PLCB1: variants seen among roughly 807,000 people sequenced by gnomAD.
PLCB1 encodes 1-phosphatidylinositol 4,5-bisphosphate phosphodiesterase beta-1.
In PLCB1, 46 loss-of-function variants were observed where a neutral mutation model predicts 161.8. The ratio of observed to expected loss-of-function variants is 0.28; its 90% CI spans 0.22 to 0.36. The LOEUF (loss-of-function observed/expected upper bound fraction) is 0.36, where lower values mean the gene tolerates loss of function less well. PLCB1 is among the 10% of genes least tolerant of loss of function. The pLI, the probability that PLCB1 is intolerant of heterozygous loss-of-function variation, is 1.00. For synonymous variants in PLCB1, 517 were observed against 503.7 expected, an observed-to-expected ratio of 1.03 and a Z score of -0.35; for missense variants, 1,016 against 1,472.5, an observed-to-expected ratio of 0.69 and a Z score of 5.07.
rs140439943 is a variant in PLCB1 at position 8,201,925 on chromosome 20, T to A, written c.177+51554T>A. ...AGAAGTATAGAGTTATTGCCTGTGT[T>A]GGGTTTTGTAGATCCTTCTTGATTC... On this transcript the variant is annotated intron_variant, in intron 2 of 31. Coordinates refer to ENST00000338037, the MANE Select transcript of PLCB1 (RefSeq NM_015192.4). 1.0e-3 allele frequency among the ~76,000 whole-genome samples: 154 copies of A among 152,312 alleles called. 1 individual carries two copies. Among genetic ancestry groups the A allele is most frequent in the African/African-American group, 3.5e-3 (147 of 41,576 alleles).
intron 2 of PLCB1, among the ~76,000 whole-genome samples, chr20:8,339,739 T>C (rs1228383601): frequency 1.3e-5 from 2 of 152,124 alleles, no homozygotes; most frequent in Non-Finnish European, 2.9e-5. Flanking sequence ...TACATAACTT[T>C]GGGCCAGTTA....
intron 2 of PLCB1, among the ~76,000 whole-genome samples, chr20:8,340,500 G>A (rs1057319448): frequency 2.0e-5 from 3 of 152,024 alleles, no homozygotes; most frequent in South Asian, 2.1e-4. Flanking sequence ...TCGGCTCACT[G>A]CAAGCTCCGC....
intron 3 of PLCB1, among the ~76,000 whole-genome samples, chr20:8,484,562 G>T (rs1005626658): frequency 6.6e-6 from 1 of 151,010 alleles, no homozygotes; most frequent in Non-Finnish European, 1.5e-5. Flanking sequence ...GGGTTTCACC[G>T]TGTTGGTCAG....
At chr20:8,846,446 A>G (rs1986695401) in intron 31 of PLCB1, among the ~76,000 whole-genome samples, 1 of 152,082 alleles carries the variant, frequency 6.6e-6, no homozygotes, top group Admixed American at 6.5e-5. Context: ...GGATCCTCAA[A>G]CTTTAATATG....
intron 3 of PLCB1, among the ~76,000 whole-genome samples, chr20:8,417,969 G>A (rs566221820): frequency 1.3e-5 from 2 of 152,342 alleles, no homozygotes; most frequent in African/African-American, 4.8e-5. Context: ...CAGGGCAGCT[G>A]TCTGCAGTCC....
chr20:8,415,999 A>T (rs73897475), intron 3 of PLCB1, among the ~76,000 whole-genome samples: 3,032 of 152,182 alleles, frequency 0.02, 112 homozygotes, highest in African/African-American at 0.07. Context: ...AGCTTTCCTC[A>T]TCAATGTTTA....
intron 2 of PLCB1, among the ~76,000 whole-genome samples, chr20:8,344,623 A>G (rs1463227946): frequency 7.1e-6 from 1 of 141,824 alleles, no homozygotes; most frequent in Non-Finnish European, 1.6e-5. Flanking sequence ...CGATTCCCTG[A>G]AAAAGTCACG....
At chr20:8,686,955 AT>A (rs199713164) in intron 10 of PLCB1, among the ~76,000 whole-genome samples, 7 of 151,424 alleles carry the variant, frequency 4.6e-5, no homozygotes, top group East Asian at 3.9e-4. Context: ...AGAAAAGATA[AT>A]TTTTTTTTGT....
chr20:8,344,930 A>T lies in PLCB1; in HGVS notation c.178-26452A>T, dbSNP rs138269776. Among the ~76,000 whole-genome samples, 329 of 152,356 alleles carry T rather than the reference A, an allele frequency of 2.2e-3. 1 individual carries two copies. The highest frequency in any genetic ancestry group is 7.5e-3 in the African/African-American group (311 of 41,588). On this transcript the variant is annotated intron_variant, in intron 2 of 31. Transcript: ENST00000338037. The stretch of plus-strand genomic sequence containing the variant: ...TGAGCACAATAGATGCAAATTTGGC[A>T]CGCTGAAAGGAATTTTTGCCCCTTA...
chr20:8,335,112 T>C (rs1483246103), intron 2 of PLCB1, among the ~76,000 whole-genome samples: 1 of 152,238 alleles, frequency 6.6e-6, no homozygotes, highest in African/African-American at 2.4e-5. Flanking sequence ...TCCAATGCTA[T>C]AATAAATGTT....
intron 3 of PLCB1, among the ~76,000 whole-genome samples, chr20:8,479,284 A>C (rs768107194): frequency 1.2e-4 from 19 of 152,210 alleles, no homozygotes; most frequent in Non-Finnish European, 2.1e-4. Context: ...TTTATTATAG[A>C]ATGAGTAACC....
intron 2 of PLCB1, among the ~76,000 whole-genome samples, chr20:8,247,603 A>G (rs1980939601): frequency 6.6e-6 from 1 of 151,662 alleles, no homozygotes; most frequent in East Asian, 1.9e-4. Context: ...GAGTGAACTT[A>G]GACAATTTAA....
At chr20:8,632,635 C>G (rs981193358) in intron 4 of PLCB1, among the ~76,000 whole-genome samples, 1 of 151,992 alleles carries the variant, frequency 6.6e-6, no homozygotes, top group African/African-American at 2.4e-5. Flanking sequence ...GACACTTAAG[C>G]AAAGACTGGA....
At chr20:8,833,095 T>C (rs1600367608) in intron 31 of PLCB1, among the ~76,000 whole-genome samples, 1 of 152,216 alleles carries the variant, frequency 6.6e-6, no homozygotes, top group East Asian at 1.9e-4. Context: ...GAGGAGATTA[T>C]CTTGGGTCTT....
intron 31 of PLCB1, among the ~76,000 whole-genome samples, chr20:8,865,127 A>G (rs529527824): frequency 1.3e-5 from 2 of 152,352 alleles, no homozygotes; most frequent in South Asian, 4.1e-4. Context: ...TCCAGTGATA[A>G]CAATGGAAGA....
At chr20:8,812,728 A>T (rs1984889986) in intron 31 of PLCB1, among the ~76,000 whole-genome samples, 1 of 152,224 alleles carries the variant, frequency 6.6e-6, no homozygotes, top group Non-Finnish European at 1.5e-5. Context: ...GGGAGAGCTG[A>T]AAATGGGAAG....
chr20:8,460,815 A>G (rs1411680072), intron 3 of PLCB1, among the ~76,000 whole-genome samples: 1 of 152,132 alleles, frequency 6.6e-6, no homozygotes, highest in Non-Finnish European at 1.5e-5. Flanking sequence ...GACTCTTACT[A>G]CCATTCTGAT....
intron 2 of PLCB1, among the ~76,000 whole-genome samples, chr20:8,227,596 G>T (rs1979764380): frequency 6.6e-6 from 1 of 152,130 alleles, no homozygotes. Context: ...CTCCAATTCT[G>T]TCTTCACCCC....
intron 2 of PLCB1, among the ~76,000 whole-genome samples, chr20:8,317,405 C>T (rs574063228): frequency 6.6e-6 from 1 of 152,136 alleles, no homozygotes; most frequent in South Asian, 2.1e-4. Context: ...TTGTGAGCCC[C>T]ATGGTAGGAG....
Sources: allele counts gnomAD v4.1 joint callset (sites outside exome capture counted in the v4.1 genomes callset), GRCh38; gene constraint gnomAD v4.1.1; transcripts MANE v1.5; gene names NCBI Gene and HGNC (gene_info 2026-07-23, HGNC 2026-07-21).